The following KASH5 variants were observed in gnomAD, a reference collection of about 807,000 sequenced individuals.
KASH5 encodes the protein protein KASH5.
Under a neutral mutation model 84.2 loss-of-function variants are expected in KASH5, and 72 were observed. That is an observed-to-expected ratio of 0.85 (90% CI 0.71 to 1.04). The LOEUF (loss-of-function observed/expected upper bound fraction) is 1.04. Ranked by LOEUF, KASH5 falls within the 50% of genes least tolerant of loss-of-function variation. The probability of loss-of-function intolerance (pLI) is 0.00; values close to 1 mark genes in which losing one functional copy is unlikely to be tolerated. For missense variants in KASH5, 650 were observed against 701.0 expected (o/e 0.93, Z 0.82); for synonymous variants, 260 against 279.1 (o/e 0.93, Z 0.68).
chr19:49,415,954 G>A (rs1419175689), intron 17 of KASH5, among the ~76,000 whole-genome samples: 9 of 152,208 alleles, frequency 5.9e-5, no homozygotes, highest in African/African-American at 9.6e-5. Context: ...GACCCATAGA[G>A]GGGAGGCCCT....
At chr19:49,389,637 G>C (rs1260379643) in intron 1 of KASH5, 1 of 152,672 alleles carries the variant, frequency 6.5e-6, no homozygotes, top group Non-Finnish European at 1.5e-5. Context: ...CACGTGGCTT[G>C]GGGAGAGCAG....
intron 15 of KASH5, among the ~76,000 whole-genome samples, chr19:49,410,737 C>G (rs988195623): frequency 6.6e-6 from 1 of 152,144 alleles, no homozygotes; most frequent in African/African-American, 2.4e-5. Context: ...ATCTGCCCGC[C>G]TCGGCCTCCG....
chr19:49,395,724 A>G lies in KASH5; in HGVS notation c.336-45A>G, dbSNP rs1440876225. 2.6e-6 allele frequency: 4 copies of G among 1,536,114 alleles called. No homozygotes were observed. The African/African-American group carries it at 4.1e-5, about 16-fold the overall frequency. On this transcript the variant is annotated intron_variant, in intron 4 of 19. Coordinates refer to ENST00000447857, the MANE Select transcript of KASH5 (RefSeq NM_144688.5). This position sits in a 1 kb window ranked among gnomAD's most constrained non-coding sequence, Gnocchi z 4.4. ...CCCTGCCTGTGGCTGGTGAGGACTG[A>G]GGGGCAGCTACAGTGGGGCGCTAAG...
intron 9 of KASH5, among the ~76,000 whole-genome samples, chr19:49,406,128 CAAA>C (rs36100015): frequency 5.1e-5 from 5 of 97,664 alleles, no homozygotes; most frequent in Non-Finnish European, 4.3e-5. Flanking sequence ...AACTCTGGCT[CAAA>C]AAAAAAAAAA....
chr19:49,407,436 C>T, intron 11 of KASH5, 140 bp downstream of exon 11: 4 of 1,118,174 alleles, frequency 3.6e-6, no homozygotes, highest in Admixed American at 2.1e-5. Flanking sequence ...CCCCAGGTCC[C>T]AAGTGTGACC....
intron 5 of KASH5, among the ~76,000 whole-genome samples, chr19:49,396,119 T>C (rs1345031266): frequency 6.6e-6 from 1 of 152,050 alleles, no homozygotes; most frequent in Non-Finnish European, 1.5e-5. Context: ...CTCTCCTCAC[T>C]CTAGTCCAGG....
chr19:49,410,015 G>A (rs1444396573), intron 15 of KASH5, 140 bp downstream of exon 15: 9 of 1,098,786 alleles, frequency 8.2e-6, no homozygotes, highest in Non-Finnish European at 1.1e-5. Context: ...CCCAGTGTGT[G>A]CTGGACACCC....
chr19:49,398,974 T>C (rs1021647992), intron 7 of KASH5, 51 bp from the exon 8 acceptor site: 2 of 1,384,950 alleles, frequency 1.4e-6, no homozygotes, highest in Non-Finnish European at 2.0e-6. Context: ...TCTCTGTGCT[T>C]CTCTGCCTTC....
At chr19:49,396,222 C>A in intron 5 of KASH5, among the ~76,000 whole-genome samples, 1 of 151,144 alleles carries the variant, frequency 6.6e-6, no homozygotes, top group African/African-American at 2.4e-5. Flanking sequence ...CCCTCCACTC[C>A]TTGCTCCCCA....
intron 9 of KASH5, among the ~76,000 whole-genome samples, chr19:49,404,245 AGAG>A (rs1974455968): frequency 6.6e-6 from 1 of 152,134 alleles, no homozygotes; most frequent in African/African-American, 2.4e-5. Flanking sequence ...TGGAGTGCCA[AGAG>A]GAGGGGCGTG....
At chr19:49,405,380 C>T (rs1166804465) in intron 9 of KASH5, among the ~76,000 whole-genome samples, 1 of 150,698 alleles carries the variant, frequency 6.6e-6, no homozygotes, top group Non-Finnish European at 1.5e-5. Flanking sequence ...TCGCTTGAAC[C>T]TGGAAGGCGG....
At chr19:49,408,739 C>T (rs777678783) in intron 12 of KASH5, among the ~76,000 whole-genome samples, 3 of 152,238 alleles carry the variant, frequency 2.0e-5, no homozygotes, top group Non-Finnish European at 4.4e-5. Context: ...TGAGCCACTG[C>T]GCCTGGCCTC....
Position 49,407,238 on chromosome 19 carries a change from A to G in KASH5, c.877-2A>G, listed in dbSNP as rs751148932. 2 of 1,613,404 alleles carry G rather than the reference A, an allele frequency of 1.2e-6. No individual in the cohort carries two copies. Among genetic ancestry groups the G allele is most frequent in the Non-Finnish European group, 1.7e-6 (2 of 1,179,394 alleles). On this transcript the variant is annotated splice_acceptor_variant, in intron 10 of 19. Transcript: ENST00000447857. LOFTEE classifies it high-confidence loss of function. Reference sequence around the variant, plus strand: ...TGGATGGACCGGCTCCTTTCTTGGCAGCGGCAGCTCTTTGAGTGTGAACAC... The same window carrying G: ...TGGATGGACCGGCTCCTTTCTTGGCGGCGGCAGCTCTTTGAGTGTGAACAC...
At chr19:49,398,187 C>CA (rs1568613114) in intron 7 of KASH5, 44 bp downstream of exon 7, 1 of 1,510,102 alleles carries the variant, frequency 6.6e-7, no homozygotes, top group South Asian at 1.3e-5. Flanking sequence ...CCCCTGCCTC[C>CA]GTCCTCCCTG....
chr19:49,403,351 G>A (rs7255778), intron 9 of KASH5, among the ~76,000 whole-genome samples: 42,346 of 150,988 alleles, frequency 0.28, 6,187 homozygotes, highest in South Asian at 0.49. Context: ...CAGCTTGGGC[G>A]ACAGAGCAAG....
intron 7 of KASH5, among the ~76,000 whole-genome samples, chr19:49,398,807 T>G (rs2122135057): frequency 6.6e-6 from 1 of 152,286 alleles, no homozygotes; most frequent in South Asian, 2.1e-4. Context: ...CTTTCCCACT[T>G]CCTCAGTCTT....
chr19:49,398,193 C>G, intron 7 of KASH5, 50 bp downstream of exon 7: 1 of 1,490,816 alleles, frequency 6.7e-7, no homozygotes, highest in Non-Finnish European at 9.0e-7. Context: ...CCTCCGTCCT[C>G]CCTGCAGCAG....
chr19:49,407,507 A>T, intron 11 of KASH5, 105 bp from the exon 12 acceptor site: 1 of 1,299,094 alleles, frequency 7.7e-7, no homozygotes, highest in Non-Finnish European at 1.1e-6. Context: ...CTCTTCCCTC[A>T]AGCTCACCCT....
intron 16 of KASH5, 61 bp downstream of exon 16, chr19:49,413,087 A>C: frequency 6.6e-7 from 1 of 1,516,278 alleles, no homozygotes; most frequent in East Asian, 2.2e-5. Flanking sequence ...TGTTTACAGT[A>C]GGAGGACTGG....
Sources: allele counts gnomAD v4.1 joint callset (sites outside exome capture counted in the v4.1 genomes callset), GRCh38; gene constraint gnomAD v4.1.1; non-coding constraint Gnocchi (gnomAD v3.1); transcripts MANE v1.5; gene names NCBI Gene and HGNC (gene_info 2026-07-23, HGNC 2026-07-21).